Variants in PTPRD observed in about 807,000 individuals in gnomAD.
The protein encoded by PTPRD is protein tyrosine phosphatase receptor type D, also known as receptor-type tyrosine-protein phosphatase delta.
Under a neutral mutation model 214.5 loss-of-function variants are expected in PTPRD, and 34 were observed. That is an observed-to-expected ratio of 0.16 (90% CI 0.12 to 0.21). The LOEUF (loss-of-function observed/expected upper bound fraction) is 0.21, where lower values mean the gene tolerates loss of function less well. Among genes scored for constraint, PTPRD ranks in the 10% least tolerant of loss-of-function variants. The pLI is 1.00. For missense variants in PTPRD, 2,545 were observed against 2,398.7 expected (o/e 1.06, Z -1.27); for synonymous variants, 1,128 against 845.7 (o/e 1.33, Z -5.79).
At chr9:10,035,587 A>T (rs554844878) in intron 3 of PTPRD, among the ~76,000 whole-genome samples, 167 of 151,994 alleles carry the variant, frequency 1.1e-3, no homozygotes, top group Non-Finnish European at 2.0e-3. Flanking sequence ...TAAGTCTTTA[A>T]TTTCTGGCTC....
At chr9:10,276,676 C>G (rs976551239) in intron 3 of PTPRD, among the ~76,000 whole-genome samples, 1 of 152,160 alleles carries the variant, frequency 6.6e-6, no homozygotes, top group African/African-American at 2.4e-5. Context: ...TATATTGCAC[C>G]TGGCATATGC....
intron 8 of PTPRD, among the ~76,000 whole-genome samples, chr9:9,457,806 T>C (rs1190410267): frequency 1.3e-5 from 2 of 152,026 alleles, no homozygotes; most frequent in Non-Finnish European, 2.9e-5. Flanking sequence ...GGACAAATTA[T>C]GTATGTTCCC....
intron 35 of PTPRD, among the ~76,000 whole-genome samples, chr9:8,415,749 C>A (rs919413016): frequency 6.6e-6 from 1 of 151,844 alleles, no homozygotes; most frequent in Non-Finnish European, 1.5e-5. Context: ...CAATGGAGGG[C>A]CAGGGAGGAC....
chr9:9,824,782 T>C lies in PTPRD; in HGVS notation c.-367-57931A>G, dbSNP rs940562282. 2.6e-5 allele frequency among the ~76,000 whole-genome samples: 4 copies of C among 152,194 alleles called. No individual in the cohort carries two copies. In the South Asian group the frequency reaches 8.3e-4, roughly 32 times the overall value. On this transcript the variant is annotated intron_variant, in intron 5 of 45. Transcript: ENST00000381196. ...TGATTTTGTGAGTCTTCAATACAAG[T>C]TGTATTAATGATCATTTAAAATCTT...
chr9:9,323,327 C>CT (rs1027348030), intron 9 of PTPRD, among the ~76,000 whole-genome samples: 15 of 152,014 alleles, frequency 9.9e-5, no homozygotes, highest in African/African-American at 3.6e-4. Flanking sequence ...TTAATCAAAT[C>CT]TTTTTTACTT....
intron 3 of PTPRD, among the ~76,000 whole-genome samples, chr9:10,306,000 T>C (rs554216843): frequency 1.6e-4 from 25 of 152,188 alleles, no homozygotes; most frequent in African/African-American, 6.0e-4. Flanking sequence ...CTGTTCCTAG[T>C]AGCAAAGACT....
chr9:9,459,496 T>C (rs933432149), intron 8 of PTPRD, among the ~76,000 whole-genome samples: 1 of 152,120 alleles, frequency 6.6e-6, no homozygotes, highest in African/African-American at 2.4e-5. Flanking sequence ...ATAAATGATT[T>C]CAATAAATTT....
intron 3 of PTPRD, among the ~76,000 whole-genome samples, chr9:10,194,517 G>C (rs190836425): frequency 6.6e-6 from 1 of 151,868 alleles, no homozygotes; most frequent in Non-Finnish European, 1.5e-5. Flanking sequence ...TTCTTTGCAA[G>C]ATCATACAAC....
rs555131280 is a variant in PTPRD at position 10,293,256 on chromosome 9, G to A, written c.-545+47707C>T. On this transcript the variant is annotated intron_variant, in intron 3 of 45. Transcript: ENST00000381196. ...TTGGGGTTTTCCTGAAAGAGGTATAGAAAAAAAATTGGAAAAATCTGTACT... is the reference window on the plus strand; with the variant it reads ...TTGGGGTTTTCCTGAAAGAGGTATAAAAAAAAAATTGGAAAAATCTGTACT... Among the ~76,000 whole-genome samples, 13 of 151,584 alleles carry A rather than the reference G, an allele frequency of 8.6e-5. No individual in the cohort carries two copies. The East Asian group carries it at 2.3e-3, about 27-fold the overall frequency.
intron 39 of PTPRD, among the ~76,000 whole-genome samples, chr9:8,346,286 T>G (rs1184835787): frequency 2.0e-5 from 3 of 152,092 alleles, no homozygotes; most frequent in Admixed American, 6.6e-5. Flanking sequence ...TCAGGGATTA[T>G]TTGCTGAAAT....
At chr9:9,084,687 T>C (rs951615134) in intron 10 of PTPRD, among the ~76,000 whole-genome samples, 3 of 152,144 alleles carry the variant, frequency 2.0e-5, no homozygotes, top group Admixed American at 6.5e-5. Flanking sequence ...CTAACAATGG[T>C]AGTAAAAATA....
Position 8,696,135 on chromosome 9 carries a change from C to G in PTPRD, c.64+37645G>C, listed in dbSNP as rs144933979. Among the ~76,000 whole-genome samples the G allele has an allele frequency of 1.2e-4, 18 of 152,244 alleles. No homozygotes were observed. In the East Asian group the frequency reaches 3.3e-3, roughly 28 times the overall value. On this transcript the variant is annotated intron_variant, in intron 12 of 45. Coordinates refer to ENST00000381196, the MANE Select transcript of PTPRD (RefSeq NM_002839.4). ...CAGCAGACCTCAGCTGGGTTGAGGA[C>G]CAAACACCACCTTCACGTTATGTTT...
intron 3 of PTPRD, among the ~76,000 whole-genome samples, chr9:10,156,978 C>T (rs1040697935): frequency 2.0e-5 from 3 of 152,088 alleles, no homozygotes; most frequent in African/African-American, 7.2e-5. Context: ...TTTCCATTTG[C>T]CTGGCAGATT....
intron 2 of PTPRD, among the ~76,000 whole-genome samples, chr9:10,495,283 A>C (rs1408580923): frequency 6.6e-6 from 1 of 151,768 alleles, no homozygotes; most frequent in Non-Finnish European, 1.5e-5. Flanking sequence ...TCTTTTCCAC[A>C]AAGTCAAGTC....
At chr9:8,796,854 G>T (rs1319511753) in intron 11 of PTPRD, among the ~76,000 whole-genome samples, 2 of 151,930 alleles carry the variant, frequency 1.3e-5, no homozygotes, top group African/African-American at 4.8e-5. Flanking sequence ...ACATCGCCTA[G>T]AACTTGAAAG....
chr9:10,453,818 G>C (rs560753620), intron 2 of PTPRD, among the ~76,000 whole-genome samples: 1 of 151,350 alleles, frequency 6.6e-6, no homozygotes, highest in Non-Finnish European at 1.5e-5. Context: ...TGTTGTTTAG[G>C]ATTTTCAGTA....
At chr9:9,616,964 C>G (rs1378454894) in intron 7 of PTPRD, among the ~76,000 whole-genome samples, 1 of 152,042 alleles carries the variant, frequency 6.6e-6, no homozygotes, top group Non-Finnish European at 1.5e-5. Context: ...CTTGTTTTCC[C>G]TTTACTCTGT....
At chr9:10,211,699 T>A (rs2099517848) in intron 3 of PTPRD, among the ~76,000 whole-genome samples, 1 of 152,094 alleles carries the variant, frequency 6.6e-6, no homozygotes, top group Non-Finnish European at 1.5e-5. Context: ...ACTCAGGAAC[T>A]GAAGGTCAAA....
chr9:8,813,790 G>A (rs558365907), intron 11 of PTPRD, among the ~76,000 whole-genome samples: 46 of 152,320 alleles, frequency 3.0e-4, no homozygotes, highest in Non-Finnish European at 5.7e-4. Flanking sequence ...ACTTTGTTAA[G>A]CAATACAGTT....
Sources: gnomAD v4.1 joint callset for allele counts (sites outside exome capture counted in the v4.1 genomes callset) on GRCh38, gnomAD v4.1.1 for gene constraint, MANE v1.5 for transcripts, NCBI Gene and HGNC (gene_info 2026-07-23, HGNC 2026-07-21) for gene names.